FSHR: variants seen among roughly 807,000 people sequenced by gnomAD.
FSHR encodes the protein follicle-stimulating hormone receptor.
In FSHR, 46 loss-of-function variants were observed where a neutral mutation model predicts 52.1. That is an observed-to-expected ratio of 0.88 (90% confidence interval 0.70 to 1.13). FSHR has a LOEUF of 1.13. Among genes scored for constraint, FSHR ranks in the 50% most tolerant of loss-of-function variants. The pLI, the probability that FSHR is intolerant of heterozygous loss-of-function variation, is 0.00. For synonymous variants in FSHR, 399 were observed against 309.6 expected (o/e 1.29, Z -3.03); for missense variants, 964 against 834.6 (o/e 1.16, Z -1.91).
At chr2:49,001,611 C>A (rs1448600116) in intron 4 of FSHR, among the ~76,000 whole-genome samples, 2 of 152,034 alleles carry the variant, frequency 1.3e-5, no homozygotes, top group Non-Finnish European at 2.9e-5. Flanking sequence ...GTTTGCACAC[C>A]CTTCCCACAA....
intron 2 of FSHR, among the ~76,000 whole-genome samples, chr2:49,030,276 G>A (rs888202792): frequency 6.9e-5 from 5 of 72,868 alleles, no homozygotes; most frequent in Non-Finnish European, 9.5e-5. Flanking sequence ...TAGCAAGTGT[G>A]TGTGTGTGTG....
At chr2:49,059,504 A>C (rs1464276274) in intron 2 of FSHR, 1 of 152,400 alleles carries the variant, frequency 6.6e-6, no homozygotes, top group Non-Finnish European at 1.5e-5. Context: ...TTTTTGACAA[A>C]GGTGCCAAGA....
At chr2:49,065,223 C>G (rs12473815) in intron 2 of FSHR, among the ~76,000 whole-genome samples, 1 of 151,850 alleles carries the variant, frequency 6.6e-6, no homozygotes, top group South Asian at 2.1e-4. Context: ...AAGTCTGCAG[C>G]GAGGAAGATC....
At chr2:48,989,273 C>CTTTTTTTTTTTTTT (rs70946840) in intron 5 of FSHR, among the ~76,000 whole-genome samples, 1 of 120,824 alleles carries the variant, frequency 8.3e-6, no homozygotes, top group African/African-American at 3.6e-5. Flanking sequence ...CATTCAGTGT[C>CTTTTTTTTTTTTTT]TTTTTTTTTT....
At chr2:49,023,600 G>C (rs1015749873) in intron 2 of FSHR, among the ~76,000 whole-genome samples, 2 of 152,166 alleles carry the variant, frequency 1.3e-5, no homozygotes, top group African/African-American at 2.4e-5. Context: ...CTGCTGACCA[G>C]ATAGTATCTG....
intron 1 of FSHR, among the ~76,000 whole-genome samples, chr2:49,129,453 T>A (rs895095854): frequency 4.6e-5 from 7 of 152,226 alleles, no homozygotes; most frequent in African/African-American, 1.7e-4. Flanking sequence ...GTATTTCTGA[T>A]TCTGATAGGA....
At chr2:48,997,933 T>C (rs1676094629) in intron 4 of FSHR, among the ~76,000 whole-genome samples, 1 of 152,118 alleles carries the variant, frequency 6.6e-6, no homozygotes, top group African/African-American at 2.4e-5. Flanking sequence ...AGATTCCTCC[T>C]GCCCTCGTTC....
At chr2:48,998,984 T>A (rs1392935938) in intron 4 of FSHR, among the ~76,000 whole-genome samples, 1 of 152,106 alleles carries the variant, frequency 6.6e-6, no homozygotes, top group Non-Finnish European at 1.5e-5. Flanking sequence ...GTATCTACTT[T>A]ATCAATAAAC....
intron 1 of FSHR, 61 bp from the exon 2 acceptor site, chr2:49,068,351 A>AT: frequency 7.4e-7 from 1 of 1,352,906 alleles, no homozygotes; most frequent in Non-Finnish European, 1.1e-6. Context: ...TTGAGTTGCT[A>AT]ATGTATTCAT....
rs144704968 is a variant in FSHR, at chr2:48,988,002, AT to A, written c.524+974del. Among the ~76,000 whole-genome samples the A allele has an allele frequency of 3.9e-5, 6 of 152,144 alleles. No individual in the cohort carries two copies. In the East Asian group the frequency reaches 9.7e-4, roughly 24 times the overall value. On this transcript the variant is annotated intron_variant, in intron 6 of 9. Transcript: ENST00000406846. The stretch of plus-strand genomic sequence containing the variant: ...TTTTATTGTTCCCTCCATACATTCA[AT>A]TTCTATGCTAATCTGTTTTCAAACT...
intron 4 of FSHR, among the ~76,000 whole-genome samples, chr2:49,013,443 T>C (rs1436749263): frequency 2.1e-5 from 3 of 144,148 alleles, no homozygotes; most frequent in African/African-American, 7.6e-5. Context: ...GCTAGAGTCT[T>C]AGCCCTGAAT....
At chr2:48,982,768 C>T (rs1573042374) in intron 8 of FSHR, 144 bp downstream of exon 8, 2 of 741,192 alleles carry the variant, frequency 2.7e-6, no homozygotes, top group East Asian at 2.7e-5. Context: ...TAAATTGTCT[C>T]TATAAATTTT....
chr2:49,026,345 C>CTAAAA (rs1283226843), intron 2 of FSHR, among the ~76,000 whole-genome samples: 5 of 152,172 alleles, frequency 3.3e-5, no homozygotes, highest in Non-Finnish European at 7.4e-5. Flanking sequence ...CTAAAAATCA[C>CTAAAA]AGTCATAATA....
rs566124109 is a variant in FSHR at position 49,047,416 on chromosome 2, C to G, written c.224+20803G>C. Among the ~76,000 whole-genome samples, 16 of 152,304 alleles carry G rather than the reference C, an allele frequency of 1.1e-4. No individual in the cohort carries two copies. The South Asian group carries it at 3.1e-3, about 30-fold the overall frequency. ...CCTGGTCAGAGAGTGAGGAGCCCAT[C>G]AAAAGACGGGATCTCTAAAGCACTA... is the stretch of plus-strand genomic sequence containing the variant. On this transcript the variant is annotated intron_variant, in intron 2 of 9. Transcript: ENST00000406846.
At chr2:48,992,550 T>C (rs1422864806) in intron 4 of FSHR, among the ~76,000 whole-genome samples, 1 of 152,198 alleles carries the variant, frequency 6.6e-6, no homozygotes, top group African/African-American at 2.4e-5. Context: ...CTTTCAGCGA[T>C]ACGAAGTTAA....
intron 2 of FSHR, among the ~76,000 whole-genome samples, chr2:49,061,832 TTATATA>T: frequency 8.1e-6 from 1 of 123,582 alleles, no homozygotes; most frequent in Admixed American, 9.2e-5. Flanking sequence ...CTATATATGT[TTATATA>T]AATATAAATA....
chr2:49,022,873 C>A (rs12617499), intron 2 of FSHR, among the ~76,000 whole-genome samples: 1 of 151,994 alleles, frequency 6.6e-6, no homozygotes, highest in African/African-American at 2.4e-5. Context: ...TCTAGGACAG[C>A]GCTTCTCAAA....
At chr2:49,105,622 G>C (rs1671193320) in intron 1 of FSHR, among the ~76,000 whole-genome samples, 1 of 152,122 alleles carries the variant, frequency 6.6e-6, no homozygotes, top group African/African-American at 2.4e-5. Flanking sequence ...TCATCAATGT[G>C]CCCTGTTGGC....
intron 1 of FSHR, among the ~76,000 whole-genome samples, chr2:49,075,055 G>C (rs1043671629): frequency 1.3e-5 from 2 of 152,082 alleles, no homozygotes; most frequent in African/African-American, 4.8e-5. Context: ...GGACGAGAAG[G>C]ATAAGGAGAG....
Sources: allele counts gnomAD v4.1 joint callset (sites outside exome capture counted in the v4.1 genomes callset), GRCh38; gene constraint gnomAD v4.1.1; transcripts MANE v1.5; gene names NCBI Gene and HGNC (gene_info 2026-07-23, HGNC 2026-07-21).